PAX1: variants seen among roughly 807,000 people sequenced by gnomAD.
PAX1 encodes the protein paired box protein Pax-1.
PAX1 carries 18 observed loss-of-function variants against 35.6 expected under a neutral mutation model. The ratio of observed to expected loss-of-function variants is 0.50; its 90% CI spans 0.35 to 0.75. PAX1 has a LOEUF of 0.75. Ranked by LOEUF, PAX1 falls within the 30% of genes least tolerant of loss-of-function variation. PAX1 has a pLI of 0.01. For synonymous variants in PAX1, 397 were observed against 305.2 expected (o/e 1.30, Z -3.14); for missense variants, 760 against 661.5 (o/e 1.15, Z -1.63).
In PAX1 at chr20:21,706,408, C is replaced by G. The variant is rs112306597; in HGVS notation, c.287-30C>G. 6.2e-6 allele frequency: 10 copies of G among 1,609,024 alleles called. No homozygotes were observed. Among genetic ancestry groups the G allele is most frequent in the South Asian group, 5.5e-5 (5 of 90,990 alleles). On this transcript the variant is annotated intron_variant, in intron 1 of 4. Coordinates refer to ENST00000613128, the MANE Select transcript of PAX1 (RefSeq NM_001257096.2). The surrounding 1 kb of genome is among the most constrained non-coding windows in gnomAD (Gnocchi z 5.3). ...AACCCGCCGGGTGTTTTCTCCCCCT[C>G]CGGCTCACTCTTGTCTGGCGCATCC...
rs868079540 is a variant in PAX1, at chr20:21,714,692, C to T, written c.*130C>T. The T allele has an allele frequency of 5.6e-6, 9 of 1,605,862 alleles. No individual in the cohort carries two copies. Among genetic ancestry groups the T allele is most frequent in the South Asian group, 1.1e-5 (1 of 90,968 alleles). Reference sequence around the variant, plus strand: ...TCGCGGAGGAGGAAGCCAGTGCCGGCCCGCGGGGTGCACGCCCAGCCAGCC... The same window carrying T: ...TCGCGGAGGAGGAAGCCAGTGCCGGTCCGCGGGGTGCACGCCCAGCCAGCC... On this transcript the variant is annotated 3_prime_UTR_variant, in exon 5 of 5. Coordinates refer to ENST00000613128, the MANE Select transcript of PAX1 (RefSeq NM_001257096.2).
chr20:21,709,286 A>C lies in PAX1; in HGVS notation c.1124A>C (p.Gln375Pro), dbSNP rs1328614979. 1 of 1,605,012 alleles carries C rather than the reference A, an allele frequency of 6.2e-7. No individual in the cohort carries two copies. Among genetic ancestry groups the C allele is most frequent in the East Asian group, 2.2e-5 (1 of 44,862 alleles). The change falls in exon 4 of 5, where the codon CAG becomes CCG. Residue 375 changes from glutamine (Q) to proline (P), a missense_variant. Gln to Pro is a moderately conservative substitution (Grantham distance 76). Transcript: ENST00000613128. ...GCCTGCGCCTACCCGGCCTCCAACCAGCACGGCGTGTACAGCGCCCCGGGC... is the reference window on the plus strand; with the variant it reads ...GCCTGCGCCTACCCGGCCTCCAACCCGCACGGCGTGTACAGCGCCCCGGGC... ...LPACAYPASN[Q>P]HGVYSAPGGG...
At chr20:21,707,165 C>T (rs1985046914) in intron 2 of PAX1, 98 bp downstream of exon 2, 3 of 1,486,102 alleles carry the variant, frequency 2.0e-6, no homozygotes, top group African/African-American at 1.4e-5. Flanking sequence ...CTCCCGGGAC[C>T]GGTTCTGGCT....
chr20:21,707,393 CTCAATTTTGAGACCCTTTCTT>C (rs1481874314), intron 2 of PAX1, among the ~76,000 whole-genome samples: 1 of 152,180 alleles, frequency 6.6e-6, no homozygotes, highest in Non-Finnish European at 1.5e-5. Flanking sequence ...AAAAAACCCG[CTCAATTTTGAGACCCTTTCTT>C]TAGCTCTCAG....
Position 21,714,659 on chromosome 20 carries a change from C to T in PAX1, c.*97C>T. The T allele has an allele frequency of 6.2e-7, 1 of 1,600,392 alleles. No homozygotes were observed. Reference sequence around the variant, plus strand: ...CCCCGGCAATCGGCACGGGCAGGATCGGAGGACTCGCGGAGGAGGAAGCCA... The same window carrying T: ...CCCCGGCAATCGGCACGGGCAGGATTGGAGGACTCGCGGAGGAGGAAGCCA... On this transcript the variant is annotated 3_prime_UTR_variant, in exon 5 of 5. Coordinates refer to ENST00000613128, the MANE Select transcript of PAX1 (RefSeq NM_001257096.2).
At chr20:21,714,370 G>A in intron 4 of PAX1, 101 bp from the exon 5 acceptor site, 3 of 829,388 alleles carry the variant, frequency 3.6e-6, no homozygotes, top group Non-Finnish European at 5.5e-6. Context: ...TTCAAGGGTT[G>A]AGCGCTCACG....
In PAX1 at chr20:21,715,996, G is replaced by C. The variant is rs1293435386; in HGVS notation, c.*1434G>C. The C allele has an allele frequency of 6.6e-6, 1 of 152,232 alleles. No individual in the cohort carries two copies. The highest frequency in any genetic ancestry group is 1.5e-5 in the Non-Finnish European group (1 of 68,076). 9.4% of individuals were successfully genotyped at this position (152,232 alleles called of 1,614,324 possible). Reference sequence around the variant, plus strand: ...GTCTGAAAGGTGTGTGGTGAGGTGAGCAAGTCTGTTTCTGAGCGCAGAGTG... The same window carrying C: ...GTCTGAAAGGTGTGTGGTGAGGTGACCAAGTCTGTTTCTGAGCGCAGAGTG... On this transcript the variant is annotated 3_prime_UTR_variant, in exon 5 of 5. Transcript: ENST00000613128.
chr20:21,709,278 C>G lies in PAX1; in HGVS notation c.1116C>G (p.Ala372=). 1 of 1,605,736 alleles carries G rather than the reference C, an allele frequency of 6.2e-7. No individual in the cohort carries two copies. Among genetic ancestry groups the G allele is most frequent in the Non-Finnish European group, 8.5e-7 (1 of 1,179,708 alleles). Residue 372 remains alanine (A), a synonymous_variant, in exon 4 of 5, where the codon GCC becomes GCG. Coordinates refer to ENST00000613128, the MANE Select transcript of PAX1 (RefSeq NM_001257096.2). ...TTCTCCCCGCCTGCGCCTACCCGGCCTCCAACCAGCACGGCGTGTACAGCG... is the reference window on the plus strand; with the variant it reads ...TTCTCCCCGCCTGCGCCTACCCGGCGTCCAACCAGCACGGCGTGTACAGCG... ...GGFLPACAYP[A]SNQHGVYSAP... is the part of the protein sequence containing the mutation.
chr20:21,713,063 C>T (rs927621480), intron 4 of PAX1, among the ~76,000 whole-genome samples: 3 of 152,200 alleles, frequency 2.0e-5, no homozygotes, highest in African/African-American at 7.2e-5. Flanking sequence ...AAAAACACAG[C>T]AGGATTCGCC....
Position 21,705,789 on chromosome 20 carries a change from C to T in PAX1, c.77C>T (p.Pro26Leu), listed in dbSNP as rs1168919032. 7.8e-7 allele frequency: 1 copy of T among 1,277,246 alleles called. No individual in the cohort carries two copies. Among genetic ancestry groups the T allele is most frequent in the Non-Finnish European group, 9.9e-7 (1 of 1,014,254 alleles). The allele number at this position is 1,277,246 out of a possible 1,614,324, so 79.1% of individuals were successfully genotyped here. A position where few individuals can be genotyped will look rare whatever the true frequency, so the allele number is the denominator to read the frequency against. The change falls in exon 1 of 5, where the codon CCT (proline) becomes CTT (leucine). Residue 26 changes from proline to leucine, a missense_variant. Around this residue, in one of 3 missense-constraint regions of PAX1, gnomAD observed 222 missense variants for 153.0 expected, o/e 1.45. Coordinates refer to ENST00000613128, the MANE Select transcript of PAX1 (RefSeq NM_001257096.2). ...WEGAAAAAAGPGAGGSALRCR... is the reference protein window; with the variant it reads ...WEGAAAAAAGLGAGGSALRCR... The stretch of plus-strand genomic sequence containing the variant: ...GGGGCAGCAGCGGCGGCGGCAGGCC[C>T]TGGAGCGGGCGGCAGCGCGCTCCGC...
chr20:21,711,027 T>C (rs1600327955), intron 4 of PAX1, among the ~76,000 whole-genome samples: 1 of 152,230 alleles, frequency 6.6e-6, no homozygotes, highest in African/African-American at 2.4e-5. Flanking sequence ...AGATGAGCGC[T>C]TCACTCATCC....
At chr20:21,712,781 C>G (rs1037232071) in intron 4 of PAX1, among the ~76,000 whole-genome samples, 1 of 152,210 alleles carries the variant, frequency 6.6e-6, no homozygotes, top group African/African-American at 2.4e-5. Flanking sequence ...CTGGCATTGT[C>G]GCACCCGGAC....
intron 2 of PAX1, among the ~76,000 whole-genome samples, chr20:21,707,530 C>G (rs547457188): frequency 8.5e-5 from 13 of 152,176 alleles, no homozygotes; most frequent in Non-Finnish European, 5.9e-5. Context: ...GCCTACATCT[C>G]TAAGGTCCTG....
At chr20:21,708,535 A>G (rs771448578) in intron 2 of PAX1, 23 bp from the exon 3 acceptor site, 1 of 1,612,794 alleles carries the variant, frequency 6.2e-7, no homozygotes, top group Admixed American at 1.7e-5. Context: ...GGCACCTTTT[A>G]ATCCGTCCTC....
Position 21,715,109 on chromosome 20 carries a change from A to G in PAX1, c.*547A>G. 2.0e-6 allele frequency: 1 copy of G among 491,302 alleles called. No individual in the cohort carries two copies. Among genetic ancestry groups the G allele is most frequent in the Non-Finnish European group, 3.7e-6 (1 of 271,318 alleles). The allele number at this position is 491,302 out of a possible 1,614,324, so 30.4% of individuals were successfully genotyped here. On this transcript the variant is annotated 3_prime_UTR_variant, in exon 5 of 5. Transcript: ENST00000613128. ...TCTTTCTAGTCCTCTATATGCTATC[A>G]GCCCTTTTTCCTGGTCCATCCCTGT...
intron 2 of PAX1, among the ~76,000 whole-genome samples, chr20:21,707,409 T>C (rs1985054490): frequency 6.6e-6 from 1 of 152,172 alleles, no homozygotes; most frequent in African/African-American, 2.4e-5. Context: ...TTTGAGACCC[T>C]TTCTTTAGCT....
rs1985374725 is a variant in PAX1, at chr20:21,716,462, T to C, written c.*1900T>C. 6.6e-6 allele frequency: 1 copy of C among 152,012 alleles called. No individual in the cohort carries two copies. Among genetic ancestry groups the C allele is most frequent in the Admixed American group, 6.6e-5 (1 of 15,264 alleles). The allele number at this position is 152,012 out of a possible 1,614,324, so 9.4% of individuals were successfully genotyped here. A position where few individuals can be genotyped will look rare whatever the true frequency, so the allele number is the denominator to read the frequency against. ...TATCAATTATAAAAAAGTACTTACT[T>C]TTTTCCTAGAGAGACTCTTCTTCTC... On this transcript the variant is annotated 3_prime_UTR_variant, in exon 5 of 5. Coordinates refer to ENST00000613128, the MANE Select transcript of PAX1 (RefSeq NM_001257096.2).
chr20:21,714,530 C>T lies in PAX1; in HGVS notation c.1342C>T (p.His448Tyr), dbSNP rs1310198893. Reference protein sequence around the residue: ...SKAPDALSSLHGLPIPASTS With the variant: ...SKAPDALSSLYGLPIPASTS ...GGCCCCGGACGCCCTCAGTAGCTTA[C>T]ACGGACTGCCCATCCCGGCCTCGAC... The change falls in exon 5 of 5, where the codon CAC (histidine) becomes TAC (tyrosine). Residue 448 changes from histidine (H) to tyrosine (Y), a missense_variant. This residue lies in a region of PAX1 where 490 missense variants were observed against 428.4 expected (regional missense o/e 1.14). Transcript: ENST00000613128. The T allele has an allele frequency of 1.9e-6, 3 of 1,597,158 alleles. No individual in the cohort carries two copies. Among genetic ancestry groups the T allele is most frequent in the Middle Eastern group, 1.7e-4 (1 of 6,038 alleles).
chr20:21,714,637 C>T lies in PAX1; in HGVS notation c.*75C>T, dbSNP rs769268661. Reference sequence around the variant, plus strand: ...GGCGCACAGGTCTGCGCGGCGGCCCCGGCAATCGGCACGGGCAGGATCGGA... The same window carrying T: ...GGCGCACAGGTCTGCGCGGCGGCCCTGGCAATCGGCACGGGCAGGATCGGA... On this transcript the variant is annotated 3_prime_UTR_variant, in exon 5 of 5. Coordinates refer to ENST00000613128, the MANE Select transcript of PAX1 (RefSeq NM_001257096.2). The T allele has an allele frequency of 8.2e-6, 13 of 1,578,468 alleles. No individual in the cohort carries two copies. Among genetic ancestry groups the T allele is most frequent in the Middle Eastern group, 1.7e-4 (1 of 5,978 alleles).
Sources: gnomAD v4.1 joint callset for allele counts (sites outside exome capture counted in the v4.1 genomes callset) on GRCh38, gnomAD v4.1.1 for gene constraint, gnomAD v4.1.1 regional missense constraint, Gnocchi (gnomAD v3.1) non-coding constraint, MANE v1.5 for transcripts, NCBI Gene and HGNC (gene_info 2026-07-23, HGNC 2026-07-21) for gene names.